Variants in ARHGEF9 observed in about 807,000 individuals in gnomAD.
The protein encoded by ARHGEF9 is Cdc42 guanine nucleotide exchange factor 9, also known as rho guanine nucleotide exchange factor 9.
In ARHGEF9, 2 loss-of-function variants were observed where a neutral mutation model predicts 41.3. The observed-to-expected ratio is 0.05, with a 90% CI of 0.02 to 0.15. ARHGEF9 has a LOEUF of 0.15. ARHGEF9 is among the 10% of genes least tolerant of loss of function. The probability of loss-of-function intolerance (pLI) is 1.00; values close to 1 mark genes in which losing one functional copy is unlikely to be tolerated. For missense variants in ARHGEF9, 225 were observed against 424.7 expected, an observed-to-expected ratio of 0.53 and a Z score of 4.13; for synonymous variants, 160 against 154.4, an observed-to-expected ratio of 1.04 and a Z score of -0.27.
intron 1 of ARHGEF9, among the ~76,000 whole-genome samples, chrX:63,747,703 A>G (rs1436738611): frequency 2.7e-5 from 3 of 112,748 alleles, no homozygotes; most frequent in Admixed American, 9.3e-5. Context: ...TCCGATGTGC[A>G]GCCAGTGCTG....
At chrX:63,709,769 C>T (rs1326734464) in intron 2 of ARHGEF9, among the ~76,000 whole-genome samples, 4 of 111,502 alleles carry the variant, frequency 3.6e-5, no homozygotes, top group South Asian at 7.6e-4. Context: ...GTCTATTTTC[C>T]GTCCACAAAT....
intron 4 of ARHGEF9, 48 bp from the exon 5 acceptor site, chrX:63,678,620 A>G (rs1449544435): frequency 1.0e-6 from 1 of 960,112 alleles, no homozygotes; most frequent in East Asian, 3.3e-5. Context: ...AAGGACCCCA[A>G]AAGAAGTCTT....
At chrX:63,712,050 G>A (rs1299341558) in intron 2 of ARHGEF9, among the ~76,000 whole-genome samples, 2 of 111,916 alleles carry the variant, frequency 1.8e-5, no homozygotes, top group Non-Finnish European at 3.8e-5. Flanking sequence ...TCTGAGAAAT[G>A]CAAACCAAAA....
intron 1 of ARHGEF9, among the ~76,000 whole-genome samples, chrX:63,743,770 A>T (rs2055103737): frequency 8.9e-6 from 1 of 112,297 alleles, no homozygotes; most frequent in African/African-American, 3.2e-5. Flanking sequence ...TAAAAACACA[A>T]TTAATTTTGG....
In ARHGEF9 at chrX:63,644,252, T is replaced by C. The variant is rs1481351180; in HGVS notation, c.1322-204A>G. 11 of 350,976 alleles carry C rather than the reference T, an allele frequency of 3.1e-5. No homozygotes were observed. In the East Asian group the frequency reaches 4.5e-4, roughly 14 times the overall value. The allele number at this position is 350,976 out of a possible 1,213,427, so 28.9% of individuals were successfully genotyped here. On this transcript the variant is annotated intron_variant, in intron 8 of 9. Transcript: ENST00000671741. ...TTTGTCACAAACTTGAACAAAAACTTAGCTACAAAATGCACAACACAGAAT... is the reference window on the plus strand; with the variant it reads ...TTTGTCACAAACTTGAACAAAAACTCAGCTACAAAATGCACAACACAGAAT...
intron 2 of ARHGEF9, among the ~76,000 whole-genome samples, chrX:63,716,293 A>T (rs192455416): frequency 0.012 from 1,287 of 103,663 alleles, 19 homozygotes; most frequent in African/African-American, 0.043. Context: ...TGTCTCAAAG[A>T]AAAAAAAAAA....
At chrX:63,709,523 G>T (rs1385649923) in intron 2 of ARHGEF9, among the ~76,000 whole-genome samples, 3 of 111,210 alleles carry the variant, frequency 2.7e-5, no homozygotes, top group South Asian at 3.8e-4. Context: ...CAAGTCCCTG[G>T]GTGATCCTCT....
chrX:63,694,784 C>G (rs1321619786), intron 4 of ARHGEF9, among the ~76,000 whole-genome samples: 2 of 111,664 alleles, frequency 1.8e-5, no homozygotes, highest in African/African-American at 6.5e-5. Context: ...GGTGGTTACA[C>G]AACTATATAC....
In ARHGEF9 at chrX:63,697,294, T is replaced by C; in HGVS notation, c.413A>G (p.Lys138Arg). Residue 138 changes from lysine (K) to arginine (R), a missense_variant, in exon 4 of 10, where the codon AAG (lysine) becomes AGG (arginine). This residue lies in a region of ARHGEF9 where 114 missense variants were observed against 197.9 expected (regional missense o/e 0.58). Coordinates refer to ENST00000671741, the MANE Select transcript of ARHGEF9 (RefSeq NM_001353921.2). ...HLKDICEGYL[K>R]QCRKRRDMFS... ...CATGTCCCTTCTCTTCCGGCACTGC[T>C]TCAGATAGCCCTGTAGACAAAGAAA... The C allele has an allele frequency of 1.7e-6, 2 of 1,211,041 alleles. No individual in the cohort carries two copies. Among genetic ancestry groups the C allele is most frequent in the Non-Finnish European group, 2.2e-6 (2 of 895,033 alleles).
At chrX:63,648,012 T>C (rs1425939617) in intron 8 of ARHGEF9, among the ~76,000 whole-genome samples, 1 of 111,595 alleles carries the variant, frequency 9.0e-6, no homozygotes, top group African/African-American at 3.3e-5. Flanking sequence ...CGGAACCAAG[T>C]TGGAAAACAC....
chrX:63,697,257 C>T lies in ARHGEF9; in HGVS notation c.450G>A (p.Glu150=). The change falls in exon 4 of 10, where the codon GAG becomes GAA. Residue 150 remains glutamate (E), a synonymous_variant. Coordinates refer to ENST00000671741, the MANE Select transcript of ARHGEF9 (RefSeq NM_001353921.2). ...CRKRRDMFSD[E]QLKVIFGNIE... ...TGTTCCCAAAGATTACCTTCAGTTG[C>T]TCGTCACTGAACATGTCCCTTCTCT... 2 of 1,210,983 alleles carry T rather than the reference C, an allele frequency of 1.7e-6. No homozygotes were observed. Among genetic ancestry groups the T allele is most frequent in the Non-Finnish European group, 1.1e-6 (1 of 895,151 alleles).
intron 1 of ARHGEF9, among the ~76,000 whole-genome samples, chrX:63,778,980 C>T (rs1369204478): frequency 8.9e-6 from 1 of 112,088 alleles, no homozygotes; most frequent in African/African-American, 3.2e-5. Context: ...TAAAAAGGCA[C>T]TTTATCCCCA....
At chrX:63,655,764 A>T in intron 7 of ARHGEF9, 27 bp from the exon 8 acceptor site, 1 of 1,202,893 alleles carries the variant, frequency 8.3e-7, no homozygotes, top group Non-Finnish European at 1.1e-6. Context: ...AGGTTTCTTG[A>T]AGGTATGTGC....
intron 7 of ARHGEF9, among the ~76,000 whole-genome samples, chrX:63,660,967 T>C (rs1247265649): frequency 1.8e-5 from 2 of 112,022 alleles, no homozygotes; most frequent in African/African-American, 6.5e-5. Flanking sequence ...TGTTCCCCAC[T>C]ACCTCAGGTG....
chrX:63,652,885 A>T (rs1556331138), intron 8 of ARHGEF9, among the ~76,000 whole-genome samples: 1 of 110,242 alleles, frequency 9.1e-6, no homozygotes, highest in Non-Finnish European at 1.9e-5. Context: ...ACGAGATCTG[A>T]TGGTTTAAAA....
chrX:63,727,166 GAGTATCTC>G (rs1212557418), intron 1 of ARHGEF9: 2 of 111,848 alleles, frequency 1.8e-5, no homozygotes, highest in African/African-American at 3.3e-5. Flanking sequence ...AAGGGTCAAA[GAGTATCTC>G]AGTATCAATT....
At chrX:63,774,518 C>G (rs10482119) in intron 1 of ARHGEF9, among the ~76,000 whole-genome samples, 4,233 of 111,449 alleles carry the variant, frequency 0.038, 190 homozygotes, top group African/African-American at 0.13. Context: ...CCCCAGTACA[C>G]ATTGCCAGAA....
At chrX:63,779,272 A>G (rs2056342786) in intron 1 of ARHGEF9, among the ~76,000 whole-genome samples, 1 of 112,229 alleles carries the variant, frequency 8.9e-6, no homozygotes, top group Admixed American at 9.4e-5. Context: ...TCATACTGCT[A>G]TGAAGAAATA....
chrX:63,708,509 TAAC>T (rs782298147), intron 2 of ARHGEF9, among the ~76,000 whole-genome samples: 1 of 111,985 alleles, frequency 8.9e-6, no homozygotes, highest in African/African-American at 3.2e-5. Context: ...TCGTTCCAAA[TAAC>T]AATGAGAAAA....
Sources: allele counts gnomAD v4.1 joint callset (sites outside exome capture counted in the v4.1 genomes callset), GRCh38; gene constraint gnomAD v4.1.1; regional missense constraint gnomAD v4.1.1; transcripts MANE v1.5; gene names NCBI Gene and HGNC (gene_info 2026-07-23, HGNC 2026-07-21).